TAFA2: variants seen among roughly 807,000 people sequenced by gnomAD.
The protein encoded by TAFA2 is chemokine-like protein TAFA-2.
Under a neutral mutation model 18.8 loss-of-function variants are expected in TAFA2, and 7 were observed. The observed-to-expected ratio is 0.37, with a 90% CI of 0.21 to 0.70. The LOEUF (loss-of-function observed/expected upper bound fraction) is 0.70, where lower values mean the gene tolerates loss of function less well. TAFA2 is among the 30% of genes least tolerant of loss of function. The probability of loss-of-function intolerance (pLI) is 0.53; values close to 1 mark genes in which losing one functional copy is unlikely to be tolerated. For missense variants in TAFA2, 122 were observed against 158.1 expected, an observed-to-expected ratio of 0.77 and a Z score of 1.23; for synonymous variants, 60 against 54.2, an observed-to-expected ratio of 1.11 and a Z score of -0.47.
intron 1 of TAFA2, among the ~76,000 whole-genome samples, chr12:62,004,828 T>C (rs1414368183): frequency 6.6e-6 from 1 of 152,064 alleles, no homozygotes; most frequent in African/African-American, 2.4e-5. Context: ...TACAGATACA[T>C]AGTAGATATT....
At chr12:62,180,522 T>C (rs2062545085) in intron 1 of TAFA2, among the ~76,000 whole-genome samples, 1 of 152,202 alleles carries the variant, frequency 6.6e-6, no homozygotes, top group South Asian at 2.1e-4. Flanking sequence ...AATATTCAAC[T>C]TTTTTATAAT....
At chr12:61,722,145 G>A (rs1592344411) in intron 4 of TAFA2, among the ~76,000 whole-genome samples, 1 of 152,066 alleles carries the variant, frequency 6.6e-6, no homozygotes, top group East Asian at 1.9e-4. Flanking sequence ...CAATAGAGGG[G>A]TTTTGGTTGT....
chr12:62,131,495 G>GA (rs1870683367), intron 1 of TAFA2, among the ~76,000 whole-genome samples: 1 of 151,976 alleles, frequency 6.6e-6, no homozygotes, highest in African/African-American at 2.4e-5. Flanking sequence ...AATTATCTTT[G>GA]AAAAATGTTT....
intron 2 of TAFA2, among the ~76,000 whole-genome samples, chr12:61,800,500 C>T (rs1318563272): frequency 1.3e-5 from 2 of 152,038 alleles, no homozygotes; most frequent in African/African-American, 4.8e-5. Flanking sequence ...GGAGAAACAC[C>T]TGAAAATATG....
At chr12:62,251,210 T>C (rs2062912191) in intron 1 of TAFA2, among the ~76,000 whole-genome samples, 1 of 152,148 alleles carries the variant, frequency 6.6e-6, no homozygotes, top group African/African-American at 2.4e-5. Context: ...TGGCAAAACA[T>C]TTGGTAAAAT....
chr12:62,166,913 C>T (rs1031934345), intron 1 of TAFA2, among the ~76,000 whole-genome samples: 4 of 152,156 alleles, frequency 2.6e-5, no homozygotes, highest in African/African-American at 9.7e-5. Context: ...ATCATTTCAG[C>T]TATTATTTTC....
intron 2 of TAFA2, among the ~76,000 whole-genome samples, chr12:61,822,486 T>C (rs539917821): frequency 6.6e-6 from 1 of 152,270 alleles, no homozygotes; most frequent in East Asian, 1.9e-4. Context: ...CTGTGAAGTA[T>C]CAAAATGCAT....
At chr12:62,151,484 A>T (rs1367230720) in intron 1 of TAFA2, among the ~76,000 whole-genome samples, 1 of 152,230 alleles carries the variant, frequency 6.6e-6, no homozygotes, top group East Asian at 1.9e-4. Context: ...ATTGCCCGGA[A>T]TGACAATATA....
intron 4 of TAFA2, among the ~76,000 whole-genome samples, chr12:61,736,814 A>G (rs555688329): frequency 6.6e-6 from 1 of 152,176 alleles, no homozygotes; most frequent in African/African-American, 2.4e-5. Flanking sequence ...ATGACTCTCT[A>G]ATGCAAGAAT....
Position 62,088,120 on chromosome 12 carries a change from A to G in TAFA2, c.-2+103139T>C, listed in dbSNP as rs117717490. On this transcript the variant is annotated intron_variant, in intron 1 of 4. Transcript: ENST00000416284. ...AAATAAGAATCAAGGGTAACTCCTC[A>G]GCTTAAGGCAAATTTGTAGTATTGA... Among the ~76,000 whole-genome samples, 812 of 152,160 alleles carry G rather than the reference A, an allele frequency of 5.3e-3. 2 individuals carry two copies. Among genetic ancestry groups the G allele is most frequent in the Non-Finnish European group, 9.4e-3 (640 of 67,966 alleles).
chr12:61,731,031 T>C (rs1003252404), intron 4 of TAFA2, among the ~76,000 whole-genome samples: 3 of 151,908 alleles, frequency 2.0e-5, no homozygotes, highest in Non-Finnish European at 4.4e-5. Flanking sequence ...CCCAATTCCA[T>C]TGACTGCCTT....
At chr12:61,922,567 C>G (rs954570791) in intron 1 of TAFA2, among the ~76,000 whole-genome samples, 2 of 152,210 alleles carry the variant, frequency 1.3e-5, no homozygotes, top group African/African-American at 4.8e-5. Flanking sequence ...GCTATCCGGA[C>G]CAGAAACTAC....
chr12:61,933,028 G>T (rs1565686421), intron 1 of TAFA2, among the ~76,000 whole-genome samples: 1 of 152,158 alleles, frequency 6.6e-6, no homozygotes, highest in Admixed American at 6.5e-5. Context: ...GCAGAAAATT[G>T]AATTGACCCA....
intron 1 of TAFA2, among the ~76,000 whole-genome samples, chr12:61,993,787 G>A (rs1423839253): frequency 6.6e-6 from 1 of 152,120 alleles, no homozygotes. Context: ...CTAACACAGA[G>A]ACTAAAGTGT....
chr12:61,961,688 C>A (rs1878890877), intron 1 of TAFA2, among the ~76,000 whole-genome samples: 1 of 151,992 alleles, frequency 6.6e-6, no homozygotes, highest in South Asian at 2.1e-4. Context: ...AGACCTGAAG[C>A]TATTCCTTTT....
At chr12:61,986,652 G>C in intron 1 of TAFA2, among the ~76,000 whole-genome samples, 1 of 102,704 alleles carries the variant, frequency 9.7e-6, no homozygotes, top group Non-Finnish European at 2.5e-5. Flanking sequence ...ATGAGACTTA[G>C]TTAAAAAAAA....
At chr12:62,235,505 C>A in intron 1 of TAFA2, 2 of 555,226 alleles carry the variant, frequency 3.6e-6, no homozygotes, top group South Asian at 2.1e-5. Context: ...AGCCTGTGGT[C>A]GGCTGTACAT....
chr12:62,002,557 C>T (rs1437735992), intron 1 of TAFA2, among the ~76,000 whole-genome samples: 1 of 152,154 alleles, frequency 6.6e-6, no homozygotes, highest in Non-Finnish European at 1.5e-5. Flanking sequence ...ACTCGCAAAC[C>T]CTCATTGTTG....
intron 1 of TAFA2, chr12:61,879,517 A>G: frequency 1.4e-6 from 1 of 710,264 alleles, no homozygotes. Context: ...CACTGCTGTC[A>G]TGGTCAACCA....
Sources: allele counts gnomAD v4.1 joint callset (sites outside exome capture counted in the v4.1 genomes callset), GRCh38; gene constraint gnomAD v4.1.1; transcripts MANE v1.5; gene names NCBI Gene and HGNC (gene_info 2026-07-23, HGNC 2026-07-21).